The following GNA12 variants were observed in gnomAD, a reference collection of about 807,000 sequenced individuals.
GNA12 encodes the protein G protein subunit alpha 12.
A neutral mutation model predicts 26.0 loss-of-function variants in GNA12; 9 were observed. The observed-to-expected ratio is 0.35, with a 90% CI of 0.21 to 0.60. GNA12 has a LOEUF of 0.60. Among genes scored for constraint, GNA12 ranks in the 20% least tolerant of loss-of-function variants. The pLI, the probability that GNA12 is intolerant of heterozygous loss-of-function variation, is 0.78. For missense variants in GNA12, 405 were observed against 525.8 expected (o/e 0.77, Z 2.25); for synonymous variants, 264 against 219.6 (o/e 1.20, Z -1.79).
intron 1 of GNA12, among the ~76,000 whole-genome samples, chr7:2,805,311 C>A (rs186744594): frequency 6.6e-6 from 1 of 152,174 alleles, no homozygotes; most frequent in African/African-American, 2.4e-5. Flanking sequence ...AATAACTCTG[C>A]GAGGAATAGC....
In GNA12 at chr7:2,792,211, G is replaced by T. The variant is rs150069537; in HGVS notation, c.525+2717C>A. 1.1e-4 allele frequency among the ~76,000 whole-genome samples: 16 copies of T among 152,334 alleles called. No homozygotes were observed. The East Asian group carries it at 3.1e-3, about 29-fold the overall frequency. ...AGCATGTAGCACCGGGTCTCACACA[G>T]TAGGTGATCCATGAATGCAGAATGA... On this transcript the variant is annotated intron_variant, in intron 2 of 3. Coordinates refer to ENST00000275364, the MANE Select transcript of GNA12 (RefSeq NM_007353.3).
Position 2,735,159 on chromosome 7 carries a change from G to C in GNA12, c.526-1658C>G, listed in dbSNP as rs552359818. Among the ~76,000 whole-genome samples the C allele has an allele frequency of 4.3e-3, 654 of 152,264 alleles. 6 individuals are homozygous for C. The highest frequency in any genetic ancestry group is 0.015 in the African/African-American group (622 of 41,538). On this transcript the variant is annotated intron_variant, in intron 2 of 3. Coordinates refer to ENST00000275364, the MANE Select transcript of GNA12 (RefSeq NM_007353.3). ...TCCTTCCTCAGCGCCTCTCTCTCCT[G>C]CCTCCTCCTGCTCTCCTGCCCTCCC...
chr7:2,779,474 C>CAGTACTGGGATCACT (rs1792167573), intron 2 of GNA12, among the ~76,000 whole-genome samples: 1 of 151,808 alleles, frequency 6.6e-6, no homozygotes, highest in Non-Finnish European at 1.5e-5. Context: ...CACGCTACTA[C>CAGTACTGGGATCACT]ACTCCAGCCT....
intron 1 of GNA12, chr7:2,814,208 C>A (rs567155108): frequency 1.4e-6 from 1 of 695,814 alleles, no homozygotes; most frequent in African/African-American, 1.8e-5. Context: ...CATCATAAAT[C>A]TCCTTTTATA....
rs1358616075 is a variant in GNA12, at chr7:2,843,881, C to T, written c.281G>A (p.Arg94His). 6.4e-7 allele frequency: 1 copy of T among 1,561,970 alleles called. No individual in the cohort carries two copies. The highest frequency in any genetic ancestry group is 8.7e-7 in the Non-Finnish European group (1 of 1,154,836). ...GAGGATGTTGTCGAAGATGGTGTCG[C>T]GGAACTCCAGCAGCGCCTTCTGGTC... ...EFDQKALLEF[R>H]DTIFDNILKG... The change falls in exon 1 of 4, where the codon CGC (arginine) becomes CAC (histidine). Residue 94 changes from arginine (R) to histidine (H), a missense_variant. Arg to His is a conservative substitution (Grantham distance 29). Coordinates refer to ENST00000275364, the MANE Select transcript of GNA12 (RefSeq NM_007353.3).
At position 2,741,922 on chromosome 7, in the gene GNA12, A is replaced by G. The variant is rs77947632; in HGVS notation, c.526-8421T>C. On this transcript the variant is annotated intron_variant, in intron 2 of 3. Transcript: ENST00000275364. ...ATCTAATATATACAGATACAGCATTATAAGACCATTTCCCTCCTCTAGCAC... is the reference window on the plus strand; with the variant it reads ...ATCTAATATATACAGATACAGCATTGTAAGACCATTTCCCTCCTCTAGCAC... Among the ~76,000 whole-genome samples the G allele has an allele frequency of 1.1e-4, 17 of 151,884 alleles. No homozygotes were observed. The East Asian group carries it at 3.1e-3, about 28-fold the overall frequency.
chr7:2,815,267 G>A (rs1181566864), intron 1 of GNA12: 3 of 237,828 alleles, frequency 1.3e-5, no homozygotes, highest in East Asian at 1.2e-4. Flanking sequence ...AATGAGGGCT[G>A]TTGGGGAAGG....
intron 2 of GNA12, chr7:2,762,118 G>A (rs1370478750): frequency 6.5e-6 from 1 of 152,992 alleles, no homozygotes; most frequent in Non-Finnish European, 1.5e-5. Context: ...AGAGAAACCT[G>A]TGAAAACAAG....
At chr7:2,843,370 G>A (rs2533872) in intron 1 of GNA12, among the ~76,000 whole-genome samples, 2 of 151,736 alleles carry the variant, frequency 1.3e-5, no homozygotes, top group East Asian at 3.9e-4. Context: ...CAGACCGGGC[G>A]CCATGACTCA....
chr7:2,768,036 G>A (rs1487307677), intron 2 of GNA12, among the ~76,000 whole-genome samples: 1 of 152,066 alleles, frequency 6.6e-6, no homozygotes, highest in Non-Finnish European at 1.5e-5. Flanking sequence ...TTTATTTTTA[G>A]TAGAGACAGG....
chr7:2,736,238 A>T (rs1489015735), intron 2 of GNA12, among the ~76,000 whole-genome samples: 6 of 152,206 alleles, frequency 3.9e-5, no homozygotes, highest in Non-Finnish European at 8.8e-5. Flanking sequence ...GCCTGCCAAG[A>T]CGAGCCCAGA....
intron 2 of GNA12, among the ~76,000 whole-genome samples, chr7:2,791,541 G>C (rs1792518812): frequency 6.6e-6 from 1 of 152,232 alleles, no homozygotes; most frequent in Non-Finnish European, 1.5e-5. Flanking sequence ...AGACGGCAGA[G>C]GGAACAGGGA....
At chr7:2,792,336 A>C (rs1792541011) in intron 2 of GNA12, among the ~76,000 whole-genome samples, 1 of 152,246 alleles carries the variant, frequency 6.6e-6, no homozygotes, top group Non-Finnish European at 1.5e-5. Flanking sequence ...CAGGCACAGC[A>C]TAACTGGTAC....
intron 2 of GNA12, among the ~76,000 whole-genome samples, chr7:2,771,248 G>A (rs772749768): frequency 2.6e-5 from 4 of 152,040 alleles, no homozygotes; most frequent in Non-Finnish European, 5.9e-5. Flanking sequence ...CTGACATGTC[G>A]CCACTGTACT....
intron 1 of GNA12, among the ~76,000 whole-genome samples, chr7:2,825,037 C>T (rs1049450027): frequency 1.6e-4 from 24 of 152,212 alleles, no homozygotes; most frequent in African/African-American, 5.5e-4. Flanking sequence ...CCTCCTAGAT[C>T]TCGCTCTGGG....
chr7:2,803,472 T>C (rs1792866608), intron 1 of GNA12, among the ~76,000 whole-genome samples: 1 of 152,114 alleles, frequency 6.6e-6, no homozygotes. Flanking sequence ...CCCCAAGTGC[T>C]CTCAATAAAA....
intron 2 of GNA12, among the ~76,000 whole-genome samples, chr7:2,747,612 A>G (rs1284782048): frequency 3.3e-5 from 5 of 152,232 alleles, no homozygotes; most frequent in Non-Finnish European, 5.9e-5. Flanking sequence ...AACTGGCACA[A>G]GACAGGGATG....
At chr7:2,793,806 C>A (rs2115455568) in intron 2 of GNA12, among the ~76,000 whole-genome samples, 1 of 149,422 alleles carries the variant, frequency 6.7e-6, no homozygotes, top group African/African-American at 2.5e-5. Context: ...TCACTTGAAT[C>A]CAGAGGTGGA....
chr7:2,744,017 C>A (rs1410035426), intron 2 of GNA12, among the ~76,000 whole-genome samples: 1 of 152,220 alleles, frequency 6.6e-6, no homozygotes, highest in Non-Finnish European at 1.5e-5. Context: ...AACAAAGCAG[C>A]CGGGAAGCTC....
Sources: gnomAD v4.1 joint callset for allele counts (sites outside exome capture counted in the v4.1 genomes callset) on GRCh38, gnomAD v4.1.1 for gene constraint, MANE v1.5 for transcripts, NCBI Gene and HGNC (gene_info 2026-07-23, HGNC 2026-07-21) for gene names.